RABGAP1L: variants seen among roughly 807,000 people sequenced by gnomAD.
The protein encoded by RABGAP1L is RAB GTPase activating protein 1 like.
RABGAP1L carries 63 observed loss-of-function variants against 137.7 expected under a neutral mutation model. The observed-to-expected ratio is 0.46, with a 90% CI of 0.37 to 0.56. The LOEUF is 0.56. Ranked by LOEUF, RABGAP1L falls within the 20% of genes least tolerant of loss-of-function variation. The pLI is 0.00. For missense variants in RABGAP1L, 1,095 were observed against 1,244.0 expected, an observed-to-expected ratio of 0.88 and a Z score of 1.80; for synonymous variants, 431 against 433.7, an observed-to-expected ratio of 0.99 and a Z score of 0.08.
chr1:174,176,027 A>G (rs993317156), intron 1 of RABGAP1L, among the ~76,000 whole-genome samples: 7 of 152,198 alleles, frequency 4.6e-5, no homozygotes, highest in African/African-American at 1.7e-4. Context: ...GGCTTTGTAG[A>G]AGACAGACAA....
chr1:174,638,347 C>G (rs1342205632), intron 14 of RABGAP1L, among the ~76,000 whole-genome samples: 3 of 152,148 alleles, frequency 2.0e-5, no homozygotes, highest in Admixed American at 1.3e-4. Flanking sequence ...TTTATATTTA[C>G]TGTTTTTTAA....
intron 19 of RABGAP1L, among the ~76,000 whole-genome samples, chr1:174,895,860 G>A (rs113632119): frequency 0.2 from 29,859 of 152,102 alleles, 3,360 homozygotes; most frequent in Admixed American, 0.24. Context: ...CATTTGGGTT[G>A]GTTCCAGGTC....
At position 174,625,170 on chromosome 1, in the gene RABGAP1L, C is replaced by T. The variant is rs539060800; in HGVS notation, c.1711-12205C>T. Among the ~76,000 whole-genome samples the T allele has an allele frequency of 3.0e-4, 45 of 152,176 alleles. 1 individual carries two copies. The South Asian group carries it at 9.4e-3, about 32-fold the overall frequency. ...TACAGGCATGAGCAACTGTGCCTGG[C>T]CTATCTTGCTTTATTTTTATATTAC... On this transcript the variant is annotated intron_variant, in intron 13 of 25. Coordinates refer to ENST00000681986, the MANE Select transcript of RABGAP1L (RefSeq NM_001366446.1).
intron 1 of RABGAP1L, among the ~76,000 whole-genome samples, chr1:174,191,878 C>T (rs1667234401): frequency 6.6e-6 from 1 of 152,092 alleles, no homozygotes; most frequent in Admixed American, 6.6e-5. Flanking sequence ...TCAGAGTAAG[C>T]AAAGGTCTAG....
chr1:174,948,531 A>AAAAAAAC (rs1553291563), intron 19 of RABGAP1L, among the ~76,000 whole-genome samples: 1 of 147,522 alleles, frequency 6.8e-6, no homozygotes, highest in Non-Finnish European at 1.5e-5. Flanking sequence ...AAAAAAAAAA[A>AAAAAAAC]AGGAGTGTAA....
At chr1:174,455,776 T>C (rs752750380) in intron 13 of RABGAP1L, among the ~76,000 whole-genome samples, 3 of 152,158 alleles carry the variant, frequency 2.0e-5, no homozygotes, top group East Asian at 1.9e-4. Context: ...GAAACACTTA[T>C]AACGCTTTTG....
At chr1:174,700,121 C>G (rs1679539779) in intron 16 of RABGAP1L, among the ~76,000 whole-genome samples, 1 of 152,060 alleles carries the variant, frequency 6.6e-6, no homozygotes, top group African/African-American at 2.4e-5. Context: ...AATATAATTC[C>G]TAATCTCAAT....
intron 17 of RABGAP1L, among the ~76,000 whole-genome samples, chr1:174,742,325 C>G (rs1683510004): frequency 6.6e-6 from 1 of 152,092 alleles, no homozygotes; most frequent in African/African-American, 2.4e-5. Context: ...CGAGACCAGC[C>G]TAACTAATGT....
At chr1:174,278,013 G>T (rs917653011) in intron 9 of RABGAP1L, among the ~76,000 whole-genome samples, 7 of 151,818 alleles carry the variant, frequency 4.6e-5, no homozygotes, top group African/African-American at 1.7e-4. Flanking sequence ...CTTTAACAGA[G>T]AACTAAAAAT....
chr1:174,408,881 A>G (rs1345461761), intron 13 of RABGAP1L, among the ~76,000 whole-genome samples: 6 of 151,902 alleles, frequency 3.9e-5, no homozygotes, highest in African/African-American at 1.5e-4. Flanking sequence ...GTGTCTATTC[A>G]TATCTTTTGC....
chr1:174,536,101 AT>A (rs551666200), intron 13 of RABGAP1L, among the ~76,000 whole-genome samples: 1 of 151,894 alleles, frequency 6.6e-6, no homozygotes, highest in African/African-American at 2.4e-5. Flanking sequence ...TTACCATAAC[AT>A]TTTTTTCCTC....
chr1:174,688,920 GA>G (rs1052491627), intron 15 of RABGAP1L, among the ~76,000 whole-genome samples: 1 of 152,028 alleles, frequency 6.6e-6, no homozygotes, highest in African/African-American at 2.4e-5. Context: ...TAGATAGATG[GA>G]AAAAACTATA....
intron 20 of RABGAP1L, among the ~76,000 whole-genome samples, chr1:174,963,409 A>G (rs1457257469): frequency 6.6e-6 from 1 of 152,128 alleles, no homozygotes; most frequent in Non-Finnish European, 1.5e-5. Flanking sequence ...GCGATTTCTA[A>G]CAATGCTGGT....
intron 10 of RABGAP1L, among the ~76,000 whole-genome samples, chr1:174,302,085 T>C (rs1375662508): frequency 6.6e-6 from 1 of 152,204 alleles, no homozygotes; most frequent in Non-Finnish European, 1.5e-5. Context: ...AATGTAAAAG[T>C]TCTAAGATAC....
intron 13 of RABGAP1L, among the ~76,000 whole-genome samples, chr1:174,422,651 A>G (rs897282465): frequency 2.0e-5 from 3 of 152,040 alleles, no homozygotes; most frequent in Non-Finnish European, 4.4e-5. Flanking sequence ...ATTAAAATCT[A>G]GTTTAAGATT....
chr1:174,615,575 T>C (rs1415366543), intron 13 of RABGAP1L, among the ~76,000 whole-genome samples: 2 of 152,232 alleles, frequency 1.3e-5, no homozygotes, highest in African/African-American at 4.8e-5. Context: ...GATCTCCAGC[T>C]GTGTGCTGAG....
intron 17 of RABGAP1L, among the ~76,000 whole-genome samples, chr1:174,736,137 A>G (rs528813566): frequency 1.8e-4 from 28 of 152,284 alleles, no homozygotes; most frequent in African/African-American, 5.8e-4. Context: ...CCCAAGTCCA[A>G]AGCCTCATCT....
In RABGAP1L at chr1:174,223,182, C is replaced by G. The variant is rs564342144; in HGVS notation, c.331+2018C>G. On this transcript the variant is annotated intron_variant, in intron 3 of 25. Transcript: ENST00000681986. ...ACTCAGGAGGCTGAGGCGAGAGAATCGCTTGAACCTGGGAGGCAGAGGTTG... is the reference window on the plus strand; with the variant it reads ...ACTCAGGAGGCTGAGGCGAGAGAATGGCTTGAACCTGGGAGGCAGAGGTTG... Among the ~76,000 whole-genome samples, 22 of 144,878 alleles carry G rather than the reference C, an allele frequency of 1.5e-4. 1 individual carries two copies. The Admixed American group carries it at 1.5e-3, about 10-fold the overall frequency.
At chr1:174,335,872 C>T (rs989048753) in intron 11 of RABGAP1L, among the ~76,000 whole-genome samples, 3 of 152,138 alleles carry the variant, frequency 2.0e-5, no homozygotes, top group African/African-American at 7.2e-5. Context: ...TAGCACTATG[C>T]TTGATTCTGA....
Sources: gnomAD v4.1 joint callset for allele counts (sites outside exome capture counted in the v4.1 genomes callset) on GRCh38, gnomAD v4.1.1 for gene constraint, MANE v1.5 for transcripts, NCBI Gene and HGNC (gene_info 2026-07-23, HGNC 2026-07-21) for gene names.